TCAIM: variants seen among roughly 807,000 people sequenced by gnomAD.
TCAIM encodes the protein T cell activation inhibitor, mitochondrial.
In TCAIM, 36 loss-of-function variants were observed where a neutral mutation model predicts 58.6. The ratio of observed to expected loss-of-function variants is 0.61; its 90% CI spans 0.47 to 0.81. The LOEUF is 0.81. Among genes scored for constraint, TCAIM ranks in the 30% least tolerant of loss-of-function variants. TCAIM has a pLI of 0.00. For synonymous variants in TCAIM, 172 were observed against 193.6 expected, an observed-to-expected ratio of 0.89 and a Z score of 0.93; for missense variants, 466 against 579.6, an observed-to-expected ratio of 0.80 and a Z score of 2.01.
chr3:44,400,846 A>G (rs1702011460), intron 9 of TCAIM: 8 of 516,874 alleles, frequency 1.5e-5, no homozygotes, highest in South Asian at 1.3e-4. Flanking sequence ...GGAAAACATT[A>G]TAAGATTAAA....
chr3:44,363,116 C>A (rs767802582), intron 4 of TCAIM: 1 of 152,152 alleles, frequency 6.6e-6, no homozygotes, highest in Admixed American at 6.5e-5. Flanking sequence ...CTACCACTCT[C>A]AGCTGGATTT....
intron 1 of TCAIM, among the ~76,000 whole-genome samples, chr3:44,345,512 C>T (rs889877916): frequency 6.6e-6 from 1 of 152,110 alleles, no homozygotes; most frequent in African/African-American, 2.4e-5. Context: ...CAACACTCTT[C>T]GTTTAATATA....
chr3:44,363,601 C>G (rs1020038727), intron 4 of TCAIM, among the ~76,000 whole-genome samples: 1 of 152,018 alleles, frequency 6.6e-6, no homozygotes, highest in Non-Finnish European at 1.5e-5. Context: ...TCTTCAGCTC[C>G]GTATCTTTTT....
chr3:44,392,948 GTC>G lies in TCAIM; in HGVS notation c.669_670del (p.His224SerfsTer20). 1 of 1,612,462 alleles carries G rather than the reference GTC, an allele frequency of 6.2e-7. No individual in the cohort carries two copies. The highest frequency in any genetic ancestry group is 1.3e-5 in the African/African-American group (1 of 74,980). On this transcript the variant is annotated frameshift_variant, in exon 6 of 11. Coordinates refer to ENST00000342649, the MANE Select transcript of TCAIM (RefSeq NM_173826.4). LOFTEE classifies it high-confidence loss of function. Reference protein sequence around the residue: ...KELDRLKDELSHQLQLSDIRW... With the variant: ...KELDRLKDELXHQLQLSDIRW... ...AACTAGATCGTTTAAAAGATGAACT[GTC>G]TCATCAATTGCAACTCTCAGATATC...
chr3:44,346,054 ACCCTGTAGCGTC>A (rs891808032), intron 1 of TCAIM, among the ~76,000 whole-genome samples: 6 of 152,148 alleles, frequency 3.9e-5, no homozygotes, highest in Admixed American at 2.0e-4. Context: ...AATGGGCTGT[ACCCTGTAGCGTC>A]CCGAGGACAG....
chr3:44,358,312 C>T, intron 3 of TCAIM: 1 of 856,402 alleles, frequency 1.2e-6, no homozygotes, highest in African/African-American at 1.7e-5. Context: ...ATGTGTGCTC[C>T]AGGAATACAA....
In TCAIM at chr3:44,400,479, C is replaced by T; in HGVS notation, c.1010C>T (p.Thr337Ile). ...ATTGAAGAATTACAGCCAGTATTGA[C>T]ACTTGAAGAATATTACTCTCTTCTT... ...VYIEELQPVL[T>I]LEEYYSLLDV... Residue 337 changes from threonine to isoleucine, a missense_variant, in exon 9 of 11, where the codon ACA becomes ATA. Thr to Ile is a moderately conservative substitution (Grantham distance 89). Transcript: ENST00000342649. 1 of 1,613,592 alleles carries T rather than the reference C, an allele frequency of 6.2e-7. No individual in the cohort carries two copies. Among genetic ancestry groups the T allele is most frequent in the Non-Finnish European group, 8.5e-7 (1 of 1,179,694 alleles).
chr3:44,349,710 C>T (rs187795747), intron 1 of TCAIM, among the ~76,000 whole-genome samples: 3 of 151,094 alleles, frequency 2.0e-5, no homozygotes, highest in African/African-American at 4.9e-5. Flanking sequence ...TGACTGGTGC[C>T]GGAGTTTTGG....
At chr3:44,386,493 GTGCAGC>G (rs1701744957) in intron 5 of TCAIM, among the ~76,000 whole-genome samples, 1 of 152,188 alleles carries the variant, frequency 6.6e-6, no homozygotes, top group African/African-American at 2.4e-5. Context: ...ATGCTCCCTG[GTGCAGC>G]TGCAGCTACC....
At chr3:44,347,166 A>T (rs981288831) in intron 1 of TCAIM, among the ~76,000 whole-genome samples, 9 of 152,136 alleles carry the variant, frequency 5.9e-5, no homozygotes, top group African/African-American at 2.2e-4. Flanking sequence ...AATTATGCCG[A>T]GATAGGTAAC....
At position 44,384,850 on chromosome 3, in the gene TCAIM, C is replaced by G. The variant is rs546759304; in HGVS notation, c.573-8005C>G. On this transcript the variant is annotated intron_variant, in intron 5 of 10. Coordinates refer to ENST00000342649, the MANE Select transcript of TCAIM (RefSeq NM_173826.4). ...GGTCACGTCATTCCCCTTAATAGCT[C>G]ATGCATTGTTTAGAGGAGATCCCAG... Among the ~76,000 whole-genome samples, 4 of 152,302 alleles carry G rather than the reference C, an allele frequency of 2.6e-5. No homozygotes were observed. The South Asian group carries it at 8.3e-4, about 32-fold the overall frequency.
At chr3:44,356,654 G>A (rs997894721) in intron 2 of TCAIM, among the ~76,000 whole-genome samples, 2 of 151,862 alleles carry the variant, frequency 1.3e-5, no homozygotes, top group African/African-American at 4.8e-5. Flanking sequence ...CTCCCAGGTG[G>A]GTTACAAAAC....
In TCAIM at chr3:44,408,857, C is replaced by T. The variant is rs920751370; in HGVS notation, c.*1175C>T. On this transcript the variant is annotated 3_prime_UTR_variant, in exon 11 of 11. Transcript: ENST00000342649. ...AACCCCAAGTGGTTGATGGTGTCCC[C>T]AGCACAGCCGAGAGACCTGATCTCT... 4.6e-5 allele frequency: 7 copies of T among 152,178 alleles called. No individual in the cohort carries two copies. Among genetic ancestry groups the T allele is most frequent in the African/African-American group, 1.7e-4 (7 of 41,430 alleles). 9.4% of individuals were successfully genotyped at this position (152,178 alleles called of 1,614,324 possible).
intron 3 of TCAIM, among the ~76,000 whole-genome samples, chr3:44,360,570 AG>A (rs1701279758): frequency 2.0e-5 from 3 of 151,018 alleles, no homozygotes; most frequent in Admixed American, 2.0e-4. Flanking sequence ...TCGTTTACCC[AG>A]TTCCTATTCA....
intron 3 of TCAIM, chr3:44,358,102 A>G: frequency 1.4e-6 from 2 of 1,427,704 alleles, no homozygotes; most frequent in Non-Finnish European, 1.8e-6. Context: ...TAAACTCTTT[A>G]GAGTACTAGT....
chr3:44,367,722 T>G lies in TCAIM; in HGVS notation c.572+14T>G. On this transcript the variant is annotated intron_variant, in intron 5 of 10. Coordinates refer to ENST00000342649, the MANE Select transcript of TCAIM (RefSeq NM_173826.4). ...AACAACTCTCACGTATGTAAAAGTT[T>G]TTATCTAACTAAACTGTATTTGTAG... 6.3e-7 allele frequency: 1 copy of G among 1,591,692 alleles called. No individual in the cohort carries two copies. The highest frequency in any genetic ancestry group is 1.1e-5 in the South Asian group (1 of 88,576).
At chr3:44,356,298 G>A (rs1000170770) in intron 2 of TCAIM, among the ~76,000 whole-genome samples, 5 of 152,168 alleles carry the variant, frequency 3.3e-5, no homozygotes, top group African/African-American at 9.7e-5. Flanking sequence ...AGGCCGAGGC[G>A]GGCAGAGCCT....
intron 5 of TCAIM, among the ~76,000 whole-genome samples, chr3:44,372,507 A>G (rs1559571391): frequency 6.6e-6 from 1 of 152,246 alleles, no homozygotes; most frequent in Non-Finnish European, 1.5e-5. Flanking sequence ...GTTCAGAAGT[A>G]GCATAAAAAT....
chr3:44,347,109 A>G (rs891336169), intron 1 of TCAIM, among the ~76,000 whole-genome samples: 5 of 152,124 alleles, frequency 3.3e-5, no homozygotes, highest in Admixed American at 3.3e-4. Flanking sequence ...GGTTTTGGAG[A>G]TTAGCCAGAC....
Sources: gnomAD v4.1 joint callset for allele counts (sites outside exome capture counted in the v4.1 genomes callset) on GRCh38, gnomAD v4.1.1 for gene constraint, MANE v1.5 for transcripts, NCBI Gene and HGNC (gene_info 2026-07-23, HGNC 2026-07-21) for gene names.